Variants in ADAMTSL1 observed in about 807,000 individuals in gnomAD.
ADAMTSL1 encodes ADAMTS like 1, also known as ADAMTS-like protein 1.
In ADAMTSL1, 126 loss-of-function variants were observed where a neutral mutation model predicts 201.8. The observed-to-expected ratio is 0.62, with a 90% CI of 0.54 to 0.72. The LOEUF (loss-of-function observed/expected upper bound fraction) is 0.72, where lower values mean the gene tolerates loss of function less well. ADAMTSL1 is among the 30% of genes least tolerant of loss of function. The probability of loss-of-function intolerance (pLI) is 0.00; values close to 1 mark genes in which losing one functional copy is unlikely to be tolerated. For synonymous variants in ADAMTSL1, 1,121 were observed against 903.4 expected, an observed-to-expected ratio of 1.24 and a Z score of -4.32; for missense variants, 2,679 against 2,277.8, an observed-to-expected ratio of 1.18 and a Z score of -3.59.
intron 2 of ADAMTSL1, among the ~76,000 whole-genome samples, chr9:18,307,306 G>T (rs532215730): frequency 1.3e-5 from 2 of 152,232 alleles, no homozygotes; most frequent in South Asian, 4.2e-4. Flanking sequence ...AAAATAACCA[G>T]CTACCATCAT....
intron 9 of ADAMTSL1, among the ~76,000 whole-genome samples, chr9:18,667,129 C>T (rs989523131): frequency 5.9e-5 from 9 of 151,836 alleles, no homozygotes; most frequent in African/African-American, 2.2e-4. Context: ...TTCCCCCTTC[C>T]CTCAAGGAAT....
intron 17 of ADAMTSL1, among the ~76,000 whole-genome samples, chr9:18,772,395 G>A (rs749536316): frequency 3.9e-5 from 6 of 152,166 alleles, no homozygotes; most frequent in Admixed American, 3.3e-4. Context: ...CTGCAGATTT[G>A]AGGGGGACCT....
intron 7 of ADAMTSL1, among the ~76,000 whole-genome samples, chr9:18,652,400 C>T (rs75414407): frequency 0.018 from 2,703 of 149,926 alleles, 41 homozygotes; most frequent in Non-Finnish European, 0.028. Context: ...AAAAAGAAAG[C>T]CTTTGTGATA....
chr9:18,267,762 T>TAAAAAAA lies in ADAMTSL1; in HGVS notation c.207+103787_207+103793dup, dbSNP rs72030473. ...ATTTCTCAGGTTACTCAAAGGCTAT[T>TAAAAAAA]AAAAAAAAAAAACAAAAACAAAAAC... On this transcript the variant is annotated intron_variant, in intron 2 of 29. Transcript: ENST00000680146. Among the ~76,000 whole-genome samples the TAAAAAAA allele has an allele frequency of 1.3e-3, 165 of 125,116 alleles. 2 individuals carry two copies. The highest frequency in any genetic ancestry group is 4.3e-3 in the African/African-American group (127 of 29,648). 82.1% of individuals were successfully genotyped at this position (125,116 alleles called of 152,430 possible).
chr9:18,770,606 C>T lies in ADAMTSL1; in HGVS notation c.2222C>T (p.Ser741Phe), dbSNP rs1820635018. The T allele has an allele frequency of 6.2e-7, 1 of 1,611,386 alleles. No individual in the cohort carries two copies. The highest frequency in any genetic ancestry group is 8.5e-7 in the Non-Finnish European group (1 of 1,178,800). ...AWYPAQWQPC[S>F]RTCGGGVQKR... ...TTTCCTTCTTTCTTTCCCCAGTGTT[C>T]CAGAACGTGTGGCGGGGGTGTTCAG... The change falls in exon 17 of 29, where the codon TCC (serine) becomes TTC (phenylalanine). Residue 741 changes from serine to phenylalanine, a missense_variant. Ser to Phe is a radical substitution (Grantham distance 155). Transcript: ENST00000380548.
At position 18,906,659 on chromosome 9, in the gene ADAMTSL1, G is replaced by C. The variant is rs1830325705; in HGVS notation, c.4962-33G>C. On this transcript the variant is annotated intron_variant, in intron 27 of 28. Transcript: ENST00000380548. ...CTGCCCTGATTCAGCCCCCACAGAA[G>C]CAAACCTTAACCCTGCCACCATCCT... 2.7e-6 allele frequency: 4 copies of C among 1,505,156 alleles called. No individual in the cohort carries two copies. The South Asian group carries it at 5.2e-5, about 20-fold the overall frequency. The allele number at this position is 1,505,156 out of a possible 1,614,324, so 93.2% of individuals were successfully genotyped here.
intron 4 of ADAMTSL1, among the ~76,000 whole-genome samples, chr9:18,603,798 G>C (rs1446279543): frequency 6.6e-6 from 1 of 151,976 alleles, no homozygotes; most frequent in Admixed American, 6.6e-5. Flanking sequence ...CCATCTCCAG[G>C]ACTTTTTCAT....
intron 1 of ADAMTSL1, among the ~76,000 whole-genome samples, chr9:18,091,491 T>A (rs997995373): frequency 7.2e-5 from 11 of 152,274 alleles, no homozygotes; most frequent in African/African-American, 2.4e-4. Flanking sequence ...ATCTTGGGGT[T>A]TTCTCTCTGT....
chr9:18,614,417 G>T (rs191145777), intron 4 of ADAMTSL1, among the ~76,000 whole-genome samples: 1 of 152,082 alleles, frequency 6.6e-6, no homozygotes, highest in African/African-American at 2.4e-5. Flanking sequence ...TGCGATTTGC[G>T]GCAAGTTGTG....
chr9:18,059,421 T>G (rs1822351202), intron 1 of ADAMTSL1, among the ~76,000 whole-genome samples: 1 of 152,162 alleles, frequency 6.6e-6, no homozygotes, highest in Admixed American at 6.5e-5. Flanking sequence ...TGTATAAAAT[T>G]TTTGCTTCTT....
intron 2 of ADAMTSL1, among the ~76,000 whole-genome samples, chr9:18,291,043 A>G (rs1395496772): frequency 6.6e-6 from 1 of 152,022 alleles, no homozygotes; most frequent in Non-Finnish European, 1.5e-5. Context: ...AGCCTCCCAA[A>G]GTGCTGGGAT....
At chr9:18,575,839 T>G (rs1207550049) in intron 4 of ADAMTSL1, among the ~76,000 whole-genome samples, 5 of 152,218 alleles carry the variant, frequency 3.3e-5, no homozygotes, top group South Asian at 4.1e-4. Flanking sequence ...TTATTGCTAC[T>G]ATATTACCCT....
chr9:18,217,748 C>A (rs1038598037), intron 2 of ADAMTSL1, among the ~76,000 whole-genome samples: 5 of 152,200 alleles, frequency 3.3e-5, no homozygotes, highest in African/African-American at 7.2e-5. Context: ...TTAGCCGAGA[C>A]TGATGCTGGC....
chr9:18,822,214 G>T (rs1277550764), intron 21 of ADAMTSL1, among the ~76,000 whole-genome samples: 1 of 152,088 alleles, frequency 6.6e-6, no homozygotes, highest in African/African-American at 2.4e-5. Flanking sequence ...TCATTTTCAG[G>T]TGTTTGTTTT....
chr9:18,651,020 C>G (rs1828210860), intron 7 of ADAMTSL1: 1 of 152,212 alleles, frequency 6.6e-6, no homozygotes, highest in South Asian at 2.1e-4. Context: ...AACTTTCAGT[C>G]AAACCAATCA....
chr9:18,783,916 T>A (rs1019363833), intron 19 of ADAMTSL1, among the ~76,000 whole-genome samples: 1 of 152,238 alleles, frequency 6.6e-6, no homozygotes, highest in Non-Finnish European at 1.5e-5. Flanking sequence ...AGAGCATCTT[T>A]CTAGCAAACC....
chr9:18,816,991 T>G (rs1456715228), intron 20 of ADAMTSL1, 118 bp from the exon 21 acceptor site: 2 of 1,310,798 alleles, frequency 1.5e-6, no homozygotes, highest in East Asian at 5.0e-5. Context: ...AAAACATAGT[T>G]AGTGGCAAAA....
chr9:17,983,228 G>A (rs1006035385), intron 1 of ADAMTSL1, among the ~76,000 whole-genome samples: 16 of 151,982 alleles, frequency 1.1e-4, no homozygotes, highest in African/African-American at 4.8e-5. Context: ...GCACCACCAT[G>A]CCCAGCTAAT....
chr9:17,934,069 C>T (rs1196537470), intron 1 of ADAMTSL1, among the ~76,000 whole-genome samples: 2 of 152,220 alleles, frequency 1.3e-5, no homozygotes, highest in South Asian at 2.1e-4. Flanking sequence ...TTGATATTGG[C>T]AGTCTGTGTC....
Sources: allele counts gnomAD v4.1 joint callset (sites outside exome capture counted in the v4.1 genomes callset), GRCh38; gene constraint gnomAD v4.1.1; transcripts MANE v1.5; gene names NCBI Gene and HGNC (gene_info 2026-07-23, HGNC 2026-07-21).